TMEM200A: variants seen among roughly 807,000 people sequenced by gnomAD.
TMEM200A encodes the protein two transmembrane C.
TMEM200A carries 12 observed loss-of-function variants against 24.3 expected under a neutral mutation model. That is an observed-to-expected ratio of 0.49 (90% CI 0.32 to 0.80). The LOEUF (loss-of-function observed/expected upper bound fraction) is 0.80. TMEM200A is among the 30% of genes least tolerant of loss of function. The pLI, the probability that TMEM200A is intolerant of heterozygous loss-of-function variation, is 0.04. For synonymous variants in TMEM200A, 224 were observed against 224.4 expected, an observed-to-expected ratio of 1.00 and a Z score of 0.02; for missense variants, 545 against 614.4, an observed-to-expected ratio of 0.89 and a Z score of 1.19.
upstream of TMEM200A, chr6:130,365,592 G>A: frequency 1.0e-6 from 1 of 985,448 alleles, no homozygotes; most frequent in Non-Finnish European, 1.2e-6. Flanking sequence ...CAGCCGCTCC[G>A]GAGAACTGGG....
intron 2 of TMEM200A, among the ~76,000 whole-genome samples, chr6:130,397,456 T>C (rs145979285): frequency 2.2e-3 from 331 of 152,242 alleles, no homozygotes; most frequent in Middle Eastern, 0.014. Context: ...TAATGGCAAA[T>C]TGTTCATTTT....
chr6:130,402,036 G>A (rs1362619629), intron 2 of TMEM200A, among the ~76,000 whole-genome samples: 1 of 151,210 alleles, frequency 6.6e-6, no homozygotes, highest in Non-Finnish European at 1.5e-5. Flanking sequence ...TTGCCTTACA[G>A]GAGTTTAAAA....
chr6:130,425,571 A>ACTT (rs1375749624), intron 2 of TMEM200A, among the ~76,000 whole-genome samples: 1 of 152,222 alleles, frequency 6.6e-6, no homozygotes, highest in Non-Finnish European at 1.5e-5. Context: ...CTGAGCAATT[A>ACTT]CTTCAGTTCT....
intron 2 of TMEM200A, among the ~76,000 whole-genome samples, chr6:130,428,718 A>C (rs56280108): frequency 0.02 from 3,010 of 152,306 alleles, 97 homozygotes; most frequent in African/African-American, 0.069. Context: ...AGAAAATAGC[A>C]ATTGTAGGTT....
At chr6:130,381,978 G>A (rs1359199053) in intron 1 of TMEM200A, 1 of 984,996 alleles carries the variant, frequency 1.0e-6, no homozygotes, top group Non-Finnish European at 1.2e-6. Flanking sequence ...TTGCTGAAGT[G>A]GCTCTCCTTC....
intron 2 of TMEM200A, among the ~76,000 whole-genome samples, chr6:130,418,104 G>A (rs1342591789): frequency 6.6e-6 from 1 of 151,840 alleles, no homozygotes; most frequent in Non-Finnish European, 1.5e-5. Context: ...TCACCTCTTG[G>A]CATGATTATG....
intron 2 of TMEM200A, among the ~76,000 whole-genome samples, chr6:130,393,662 CAA>C (rs1778887429): frequency 6.6e-6 from 1 of 152,164 alleles, no homozygotes; most frequent in Non-Finnish European, 1.5e-5. Context: ...CTGCTAAAAA[CAA>C]TAGTCTGAAG....
intron 2 of TMEM200A, among the ~76,000 whole-genome samples, chr6:130,388,992 A>G (rs564237007): frequency 2.0e-5 from 3 of 152,328 alleles, no homozygotes; most frequent in East Asian, 3.9e-4. Context: ...AATTTTATAG[A>G]AAATATAAAA....
upstream of TMEM200A, chr6:130,365,837 T>G: frequency 1.0e-6 from 1 of 985,572 alleles, no homozygotes; most frequent in Non-Finnish European, 1.2e-6. Flanking sequence ...AGATCCTGTC[T>G]GCGTCCTCCA....
At chr6:130,380,678 G>A (rs1362960736) in intron 1 of TMEM200A, among the ~76,000 whole-genome samples, 1 of 152,148 alleles carries the variant, frequency 6.6e-6, no homozygotes, top group East Asian at 1.9e-4. Context: ...GAAATACATA[G>A]CAGAGAGTCA....
intron 2 of TMEM200A, among the ~76,000 whole-genome samples, chr6:130,408,960 A>C (rs1191861417): frequency 1.3e-5 from 2 of 152,048 alleles, no homozygotes; most frequent in African/African-American, 4.8e-5. Context: ...ACCCTGGGAT[A>C]TTCCCAGACA....
intron 1 of TMEM200A, among the ~76,000 whole-genome samples, chr6:130,372,179 G>A (rs1297076601): frequency 1.3e-5 from 2 of 152,178 alleles, no homozygotes; most frequent in African/African-American, 4.8e-5. Context: ...CCTGGTGCTA[G>A]CAGGACAAGG....
chr6:130,405,879 GCTT>G (rs958344199), intron 2 of TMEM200A, among the ~76,000 whole-genome samples: 4 of 152,132 alleles, frequency 2.6e-5, no homozygotes, highest in Non-Finnish European at 5.9e-5. Context: ...CTGGCAGGTT[GCTT>G]CTTCATGTCT....
At chr6:130,387,374 G>A (rs1778734768) in intron 2 of TMEM200A, among the ~76,000 whole-genome samples, 1 of 152,148 alleles carries the variant, frequency 6.6e-6, no homozygotes, top group African/African-American at 2.4e-5. Context: ...CCAGATTCAA[G>A]TGATTCTCCC....
chr6:130,367,825 AT>A (rs1409217072), intron 1 of TMEM200A, among the ~76,000 whole-genome samples: 3 of 152,190 alleles, frequency 2.0e-5, no homozygotes, highest in East Asian at 1.9e-4. Flanking sequence ...GTTTAGAATG[AT>A]TTTTTAACCA....
chr6:130,406,562 G>C (rs113190717), intron 2 of TMEM200A, among the ~76,000 whole-genome samples: 4,193 of 152,234 alleles, frequency 0.028, 67 homozygotes, highest in African/African-American at 0.043. Flanking sequence ...GTTAATACAT[G>C]TGACAGTAGT....
intron 2 of TMEM200A, among the ~76,000 whole-genome samples, chr6:130,434,874 C>T (rs1779963887): frequency 6.6e-6 from 1 of 152,026 alleles, no homozygotes; most frequent in Non-Finnish European, 1.5e-5. Context: ...AGATTTTCTA[C>T]AGATGATCTC....
chr6:130,403,147 G>A (rs1381390426), intron 2 of TMEM200A, among the ~76,000 whole-genome samples: 1 of 151,978 alleles, frequency 6.6e-6, no homozygotes, highest in African/African-American at 2.4e-5. Flanking sequence ...ATAGTAGATG[G>A]TCCCTTCCAT....
chr6:130,406,937 G>A (rs1326086076), intron 2 of TMEM200A, among the ~76,000 whole-genome samples: 1 of 152,114 alleles, frequency 6.6e-6, no homozygotes, highest in Non-Finnish European at 1.5e-5. Flanking sequence ...CCTGAACAAA[G>A]CTCATGACAG....
Sources: gnomAD v4.1 joint callset for allele counts (sites outside exome capture counted in the v4.1 genomes callset) on GRCh38, gnomAD v4.1.1 for gene constraint, MANE v1.5 for transcripts, NCBI Gene and HGNC (gene_info 2026-07-23, HGNC 2026-07-21) for gene names.